ESR1: variants seen among roughly 807,000 people sequenced by gnomAD.
The protein encoded by ESR1 is estrogen receptor.
A neutral mutation model predicts 52.7 loss-of-function variants in ESR1; 12 were observed. That is an observed-to-expected ratio of 0.23 (90% CI 0.15 to 0.37). ESR1 has a LOEUF of 0.37. Ranked by LOEUF, ESR1 falls within the 10% of genes least tolerant of loss-of-function variation. The probability of loss-of-function intolerance (pLI) is 1.00; values close to 1 mark genes in which losing one functional copy is unlikely to be tolerated. For synonymous variants in ESR1, 305 were observed against 316.8 expected, an observed-to-expected ratio of 0.96 and a Z score of 0.39; for missense variants, 584 against 779.7, an observed-to-expected ratio of 0.75 and a Z score of 2.99.
At chr6:151,897,701 G>A (rs560817870) in intron 3 of ESR1, among the ~76,000 whole-genome samples, 43 of 152,298 alleles carry the variant, frequency 2.8e-4, no homozygotes, top group Non-Finnish European at 5.6e-4. Context: ...ATTGAGATGT[G>A]AGGTACTATT....
chr6:152,109,502 C>CTAA (rs2051105992), intron 6 of ESR1, among the ~76,000 whole-genome samples: 1 of 145,466 alleles, frequency 6.9e-6, no homozygotes, highest in Non-Finnish European at 1.5e-5. Context: ...TCCGTCTCTA[C>CTAA]CAAAAAAAAA....
At chr6:152,125,350 G>C in exon 7 of ESR1, 2 of 1,550,138 alleles carry the variant, frequency 1.3e-6, no homozygotes, top group Non-Finnish European at 1.7e-6. Flanking sequence ...CGTGTCTAAA[G>C]CCTCTGGTCA....
At chr6:151,770,425 C>T (rs1021929964) in intron 2 of ESR1, among the ~76,000 whole-genome samples, 1 of 151,890 alleles carries the variant, frequency 6.6e-6, no homozygotes, top group African/African-American at 2.4e-5. Context: ...TAAAATATAG[C>T]CATCACTAAT....
chr6:151,953,887 C>G (rs541679046), intron 4 of ESR1, among the ~76,000 whole-genome samples: 1 of 151,440 alleles, frequency 6.6e-6, no homozygotes, highest in East Asian at 1.9e-4. Context: ...TTATTGCCTT[C>G]TTTCACAGGA....
intron 3 of ESR1, among the ~76,000 whole-genome samples, chr6:151,929,313 A>C (rs962041546): frequency 4.6e-5 from 7 of 152,178 alleles, no homozygotes; most frequent in African/African-American, 1.4e-4. Context: ...CCCCTTTATC[A>C]TCATCTTTAT....
intron 6 of ESR1, among the ~76,000 whole-genome samples, chr6:152,075,454 T>C (rs1182603848): frequency 6.6e-6 from 1 of 152,222 alleles, no homozygotes; most frequent in Non-Finnish European, 1.5e-5. Flanking sequence ...TGTGACATTT[T>C]TTCAATACAG....
chr6:151,726,492 C>T (rs968639548), intron 2 of ESR1, among the ~76,000 whole-genome samples: 3 of 152,068 alleles, frequency 2.0e-5, no homozygotes, highest in Non-Finnish European at 2.9e-5. Context: ...CCACCACTTC[C>T]GGCTAATTTT....
At chr6:151,801,070 G>GTA (rs1324641311), upstream of ESR1, among the ~76,000 whole-genome samples, 9 of 151,936 alleles carry the variant, frequency 5.9e-5, no homozygotes, top group African/African-American at 1.9e-4. Context: ...GTGTGTGTGT[G>GTA]TGTGTGTGTG....
chr6:151,959,844 A>G (rs1387869044), intron 4 of ESR1, among the ~76,000 whole-genome samples: 1 of 152,252 alleles, frequency 6.6e-6, no homozygotes, highest in Admixed American at 6.5e-5. Flanking sequence ...CAGAGAAAAT[A>G]ATTACTCCTG....
chr6:152,075,951 A>G lies in ESR1; in HGVS notation c.1369+14827A>G, dbSNP rs2048701812. Among the ~76,000 whole-genome samples, 3 of 152,318 alleles carry G rather than the reference A, an allele frequency of 2.0e-5. No individual in the cohort carries two copies. In the South Asian group the frequency reaches 6.2e-4, roughly 32 times the overall value. On this transcript the variant is annotated intron_variant, in intron 6 of 7. Transcript: ENST00000206249. Reference sequence around the variant, plus strand: ...GTGTCATTTTCATGATTTTATTTGTATATTATGTATTCCACAGAGGATTTG... The same window carrying G: ...GTGTCATTTTCATGATTTTATTTGTGTATTATGTATTCCACAGAGGATTTG...
downstream of ESR1, among the ~76,000 whole-genome samples, chr6:152,104,530 T>A (rs1385184225): frequency 6.6e-6 from 1 of 152,206 alleles, no homozygotes. Context: ...CACGTTATTA[T>A]CGTTTTGTAC....
At chr6:151,973,444 A>G (rs1562616923) in intron 4 of ESR1, among the ~76,000 whole-genome samples, 1 of 152,200 alleles carries the variant, frequency 6.6e-6, no homozygotes, top group Non-Finnish European at 1.5e-5. Flanking sequence ...ACTTTACTGC[A>G]GAGTCTGCAG....
chr6:151,766,767 G>T (rs1785089756), intron 2 of ESR1, among the ~76,000 whole-genome samples: 1 of 152,168 alleles, frequency 6.6e-6, no homozygotes, highest in Non-Finnish European at 1.5e-5. Flanking sequence ...AGACTGGGGA[G>T]AAAAATAGCT....
chr6:152,038,516 A>C (rs758993751), intron 5 of ESR1, among the ~76,000 whole-genome samples: 1 of 152,234 alleles, frequency 6.6e-6, no homozygotes, highest in Non-Finnish European at 1.5e-5. Flanking sequence ...CAATAATGTC[A>C]TAATTACACT....
intron 3 of ESR1, among the ~76,000 whole-genome samples, chr6:151,916,344 C>A (rs1327117350): frequency 2.0e-5 from 3 of 152,120 alleles, no homozygotes; most frequent in Non-Finnish European, 4.4e-5. Context: ...TGGTTCAATT[C>A]AATACATGAA....
chr6:151,965,029 T>C (rs779760010), intron 4 of ESR1, among the ~76,000 whole-genome samples: 22 of 152,208 alleles, frequency 1.4e-4, no homozygotes, highest in Admixed American at 1.2e-3. Flanking sequence ...GCAAAAGCTA[T>C]GATGTTCAAC....
intron 6 of ESR1, among the ~76,000 whole-genome samples, chr6:152,115,318 C>T (rs73781642): frequency 0.044 from 6,667 of 152,104 alleles, 156 homozygotes; most frequent in East Asian, 0.074. Flanking sequence ...ATTCAACAAT[C>T]CTCCTGCTGA....
At chr6:151,759,986 C>T (rs1323940625) in intron 2 of ESR1, among the ~76,000 whole-genome samples, 3 of 152,170 alleles carry the variant, frequency 2.0e-5, no homozygotes, top group Admixed American at 6.5e-5. Flanking sequence ...CTAAATCTAT[C>T]CTACAGATTA....
intron 3 of ESR1, among the ~76,000 whole-genome samples, chr6:151,911,433 T>TAGTTTTATAATTAC (rs1798239743): frequency 6.6e-6 from 1 of 152,236 alleles, no homozygotes. Context: ...CAGTTGTTAC[T>TAGTTTTATAATTAC]AGTTTTATAA....
Sources: allele counts gnomAD v4.1 joint callset (sites outside exome capture counted in the v4.1 genomes callset), GRCh38; gene constraint gnomAD v4.1.1; transcripts MANE v1.5; gene names NCBI Gene and HGNC (gene_info 2026-07-23, HGNC 2026-07-21).